The following LRRN2 variants were observed in gnomAD, a reference collection of about 807,000 sequenced individuals.
LRRN2 encodes leucine-rich repeat neuronal protein 2.
Under a neutral mutation model 35.7 loss-of-function variants are expected in LRRN2, and 10 were observed. The observed-to-expected ratio is 0.28, with a 90% CI of 0.17 to 0.47. LRRN2 has a LOEUF of 0.47. LRRN2 is among the 20% of genes least tolerant of loss of function. The pLI, the probability that LRRN2 is intolerant of heterozygous loss-of-function variation, is 0.99. For synonymous variants in LRRN2, 391 were observed against 409.6 expected (o/e 0.95, Z 0.55); for missense variants, 731 against 940.3 (o/e 0.78, Z 2.91).
chr1:204,629,567 T>G, intron 1 of LRRN2: 1 of 161,914 alleles, frequency 6.2e-6, no homozygotes, highest in Non-Finnish European at 1.3e-5. Flanking sequence ...GATCTGATGG[T>G]TTTATCAGGG....
intron 1 of LRRN2, among the ~76,000 whole-genome samples, chr1:204,635,632 C>T (rs867976812): frequency 1.3e-5 from 2 of 152,190 alleles, no homozygotes; most frequent in Non-Finnish European, 2.9e-5. Context: ...CTCCCAGAAC[C>T]GTTCATCTTA....
chr1:204,655,191 T>C (rs192875502), intron 1 of LRRN2, among the ~76,000 whole-genome samples: 13 of 152,390 alleles, frequency 8.5e-5, no homozygotes, highest in African/African-American at 3.1e-4. Context: ...AGGTAAGTTC[T>C]CCGACAGCGG....
chr1:204,649,145 C>T (rs562238987), intron 1 of LRRN2, among the ~76,000 whole-genome samples: 3 of 152,308 alleles, frequency 2.0e-5, no homozygotes, highest in South Asian at 2.1e-4. Context: ...CAACCAGTGG[C>T]GGCGACTCAA....
chr1:204,653,912 T>C (rs972851225), intron 1 of LRRN2, among the ~76,000 whole-genome samples: 13 of 151,136 alleles, frequency 8.6e-5, no homozygotes, highest in Admixed American at 8.6e-4. Context: ...AGCATGCACC[T>C]GTAGTCTCAG....
intron 1 of LRRN2, among the ~76,000 whole-genome samples, chr1:204,661,217 T>C (rs1173521527): frequency 6.6e-6 from 1 of 152,184 alleles, no homozygotes; most frequent in African/African-American, 2.4e-5. Flanking sequence ...AGAATACAAA[T>C]ACTCCATTCA....
intron 1 of LRRN2, chr1:204,633,047 G>T (rs1392948753): frequency 6.6e-6 from 1 of 152,192 alleles, no homozygotes; most frequent in Non-Finnish European, 1.5e-5. Context: ...GTGTTGGGAG[G>T]TGGGGCCTTT....
At chr1:204,659,562 T>C (rs536637407) in intron 1 of LRRN2, among the ~76,000 whole-genome samples, 37 of 152,054 alleles carry the variant, frequency 2.4e-4, no homozygotes, top group Non-Finnish European at 4.9e-4. Flanking sequence ...TACGGCCACC[T>C]AAGAGAATGA....
intron 1 of LRRN2, among the ~76,000 whole-genome samples, chr1:204,678,918 A>G (rs55636403): frequency 2.0e-5 from 3 of 152,030 alleles, no homozygotes; most frequent in African/African-American, 7.2e-5. Context: ...ATAAACTAAA[A>G]GCTCCTGAAG....
At position 204,619,302 on chromosome 1, in the gene LRRN2, A is replaced by G. The variant is rs1165074474; in HGVS notation, c.691T>C (p.Tyr231His). The G allele has an allele frequency of 3.1e-6, 5 of 1,614,050 alleles. No homozygotes were observed. Among genetic ancestry groups the G allele is most frequent in the Non-Finnish European group, 3.4e-6 (4 of 1,180,030 alleles). Residue 231 changes from tyrosine to histidine, a missense_variant, in exon 2 of 2, where the codon TAT becomes CAT. Physicochemically the swap from Tyr to His is moderately conservative, Grantham distance 83. Transcript: ENST00000367177. ...AGMNLREISD[Y>H]ALEGLQSLES... ...AGGCTTTGCAGCCCCTCCAGGGCAT[A>G]GTCGGAGATCTCCCGCAGGTTCATG...
Position 204,618,575 on chromosome 1 carries a change from C to T in LRRN2, c.1418G>A (p.Arg473Lys), listed in dbSNP as rs1274504733. The change falls in exon 2 of 2, where the codon AGG (arginine) becomes AAG (lysine). Residue 473 changes from arginine (R) to lysine (K), a missense_variant. Transcript: ENST00000367177. ...LRLTPAHAGR[R>K]YRVYPEGTLE... ...GGTCCCCTCGGGGTACACCCGGTACCTCCTGCCTGCATGGGCAGGTGTCAG... is the reference window on the plus strand; with the variant it reads ...GGTCCCCTCGGGGTACACCCGGTACTTCCTGCCTGCATGGGCAGGTGTCAG... 1 of 1,614,042 alleles carries T rather than the reference C, an allele frequency of 6.2e-7. No homozygotes were observed. Among genetic ancestry groups the T allele is most frequent in the South Asian group, 1.1e-5 (1 of 91,086 alleles).
Position 204,618,646 on chromosome 1 carries a change from G to A in LRRN2, c.1347C>T (p.Ala449=), listed in dbSNP as rs780598649. The part of the protein sequence containing the change: ...ESMVLHCRAL[A]EPEPEIYWVT... ...CCCAGTAGATCTCGGGTTCGGGTTC[G>A]GCCAGTGCCCGGCAATGCAGCACCA... The change falls in exon 2 of 2, where the codon GCC becomes GCT. Residue 449 remains alanine (A), a synonymous_variant. Transcript: ENST00000367177. The A allele has an allele frequency of 4.0e-5, 65 of 1,610,308 alleles. No individual in the cohort carries two copies. The highest frequency in any genetic ancestry group is 2.9e-4 in the South Asian group (26 of 90,446).
intron 1 of LRRN2, among the ~76,000 whole-genome samples, chr1:204,657,016 G>C (rs1005918458): frequency 1.3e-5 from 2 of 151,986 alleles, no homozygotes; most frequent in African/African-American, 4.8e-5. Context: ...AAAAAATATG[G>C]TATATCTGAC....
At chr1:204,678,453 G>A (rs1668871941) in intron 1 of LRRN2, among the ~76,000 whole-genome samples, 1 of 152,156 alleles carries the variant, frequency 6.6e-6, no homozygotes, top group Non-Finnish European at 1.5e-5. Flanking sequence ...GACCAGTGGT[G>A]TTAAAAAGTC....
At chr1:204,665,464 C>T (rs1033613594) in intron 1 of LRRN2, among the ~76,000 whole-genome samples, 6 of 152,106 alleles carry the variant, frequency 3.9e-5, no homozygotes, top group Admixed American at 3.3e-4. Flanking sequence ...AGGGGTGAGT[C>T]GACATCATTA....
chr1:204,630,076 C>G (rs1667643434), intron 1 of LRRN2, among the ~76,000 whole-genome samples: 1 of 152,152 alleles, frequency 6.6e-6, no homozygotes, highest in South Asian at 2.1e-4. Flanking sequence ...TGCACATGGA[C>G]CCCCTATACA....
chr1:204,637,128 G>C (rs1667852853), intron 1 of LRRN2, among the ~76,000 whole-genome samples: 1 of 152,188 alleles, frequency 6.6e-6, no homozygotes, highest in Non-Finnish European at 1.5e-5. Flanking sequence ...TCCCTTTACT[G>C]TGCGGTATGT....
chr1:204,619,996 G>A lies in LRRN2; in HGVS notation c.-4C>T, dbSNP rs1469809059. 1.2e-6 allele frequency: 2 copies of A among 1,603,890 alleles called. No individual in the cohort carries two copies. Among genetic ancestry groups the A allele is most frequent in the Non-Finnish European group, 1.7e-6 (2 of 1,176,002 alleles). ...GTGGGGCCACGAGAAGCCTCATGGT[G>A]GAGCTGCAGGGCAGGGGACCATTCA... is the stretch of plus-strand genomic sequence containing the variant. On this transcript the variant is annotated 5_prime_UTR_variant, in exon 2 of 2. Coordinates refer to ENST00000367177, the MANE Select transcript of LRRN2 (RefSeq NM_201630.2).
At chr1:204,681,770 T>C (rs902899174) in intron 1 of LRRN2, among the ~76,000 whole-genome samples, 1 of 152,376 alleles carries the variant, frequency 6.6e-6, no homozygotes, top group East Asian at 1.9e-4. Context: ...GGCCCCGCAC[T>C]GGAAAGTAAC....
At chr1:204,629,138 G>T (rs1667597411) in intron 1 of LRRN2, 1 of 152,506 alleles carries the variant, frequency 6.6e-6, no homozygotes, top group African/African-American at 2.4e-5. Flanking sequence ...CAGAGGCAAG[G>T]GCGGGGGGAA....
Sources: gnomAD v4.1 joint callset for allele counts (sites outside exome capture counted in the v4.1 genomes callset) on GRCh38, gnomAD v4.1.1 for gene constraint, MANE v1.5 for transcripts, NCBI Gene and HGNC (gene_info 2026-07-23, HGNC 2026-07-21) for gene names.